The following PIEZO2 variants were observed in gnomAD, a reference collection of about 807,000 sequenced individuals.
The protein encoded by PIEZO2 is piezo-type mechanosensitive ion channel component 2.
A neutral mutation model predicts 337.3 loss-of-function variants in PIEZO2; 172 were observed. The observed-to-expected ratio is 0.51, with a 90% CI of 0.45 to 0.58. The LOEUF is 0.58. Among genes scored for constraint, PIEZO2 ranks in the 20% least tolerant of loss-of-function variants. The pLI is 0.00. For synonymous variants in PIEZO2, 1,251 were observed against 1,228.5 expected (o/e 1.02, Z -0.38); for missense variants, 3,028 against 3,391.3 (o/e 0.89, Z 2.66).
At chr18:10,879,143 C>T (rs1356173798) in intron 4 of PIEZO2, among the ~76,000 whole-genome samples, 1 of 152,184 alleles carries the variant, frequency 6.6e-6, no homozygotes, top group Non-Finnish European at 1.5e-5. Flanking sequence ...GTATACACTA[C>T]AGGGCATTTA....
In PIEZO2 at chr18:11,108,913, T is replaced by A. The variant is rs149380594; in HGVS notation, c.64+39612A>T. Among the ~76,000 whole-genome samples, 8 of 152,334 alleles carry A rather than the reference T, an allele frequency of 5.3e-5. No homozygotes were observed. In the East Asian group the frequency reaches 1.5e-3, roughly 29 times the overall value. On this transcript the variant is annotated intron_variant, in intron 1 of 55. Transcript: ENST00000674853. ...CCAAAGGAAGTGTTAAACAGTCATG[T>A]GGACTTCATCCTGCACAGAAACTCT...
At position 11,016,468 on chromosome 18, in the gene PIEZO2, G is replaced by A. The variant is rs902161777; in HGVS notation, c.161-36808C>T. ...CCCCAGAGAGAAAGTGAACCCCTAG[G>A]AACCCCCTGCAAAGGGTGGGTATGA... On this transcript the variant is annotated intron_variant, in intron 2 of 55. Coordinates refer to ENST00000674853, the MANE Select transcript of PIEZO2 (RefSeq NM_001378183.1). The surrounding 1 kb of genome is among the most constrained non-coding windows in gnomAD (Gnocchi z 5.6). Among the ~76,000 whole-genome samples, 7 of 152,184 alleles carry A rather than the reference G, an allele frequency of 4.6e-5. No individual in the cohort carries two copies. The highest frequency in any genetic ancestry group is 1.7e-4 in the African/African-American group (7 of 41,454).
At chr18:10,989,379 A>T (rs2035006653) in intron 2 of PIEZO2, among the ~76,000 whole-genome samples, 1 of 152,268 alleles carries the variant, frequency 6.6e-6, no homozygotes, top group Non-Finnish European at 1.5e-5. Flanking sequence ...ATAAAGACCT[A>T]AGTCTGAAAG....
At chr18:11,062,709 G>A (rs2038011748) in intron 2 of PIEZO2, among the ~76,000 whole-genome samples, 1 of 152,160 alleles carries the variant, frequency 6.6e-6, no homozygotes, top group African/African-American at 2.4e-5. Flanking sequence ...ACCACAATGA[G>A]ATACCATCTT....
chr18:11,063,962 G>C (rs554775672), intron 2 of PIEZO2, among the ~76,000 whole-genome samples: 7 of 151,892 alleles, frequency 4.6e-5, no homozygotes, highest in Middle Eastern at 3.4e-3. Context: ...GACTTCCCTG[G>C]CCACATTGGA....
chr18:11,081,362 G>T (rs1479562100), intron 1 of PIEZO2, among the ~76,000 whole-genome samples: 1 of 152,068 alleles, frequency 6.6e-6, no homozygotes, highest in South Asian at 2.1e-4. Flanking sequence ...GAAACTTATC[G>T]CATGAGTCCC....
intron 2 of PIEZO2, among the ~76,000 whole-genome samples, chr18:10,984,881 T>G (rs553251164): frequency 6.6e-6 from 1 of 152,150 alleles, no homozygotes; most frequent in African/African-American, 2.4e-5. Context: ...TTCAAAAGGC[T>G]ATCAGTAGAT....
At chr18:11,046,111 C>T (rs540905567) in intron 2 of PIEZO2, among the ~76,000 whole-genome samples, 1 of 152,250 alleles carries the variant, frequency 6.6e-6, no homozygotes, top group South Asian at 2.1e-4. Context: ...ACTGGCTGGT[C>T]CCCCATTTCC....
intron 4 of PIEZO2, among the ~76,000 whole-genome samples, chr18:10,882,829 A>G (rs1284474758): frequency 1.2e-5 from 1 of 83,362 alleles, no homozygotes; most frequent in African/African-American, 3.6e-5. Context: ...TATGTACCAC[A>G]TTTTCTTTTT....
At chr18:10,715,267 A>C (rs2035968356) in intron 38 of PIEZO2, among the ~76,000 whole-genome samples, 1 of 152,196 alleles carries the variant, frequency 6.6e-6, no homozygotes, top group Non-Finnish European at 1.5e-5. Flanking sequence ...TTTTAGATCA[A>C]ACTTTCCAGA....
Position 10,671,181 on chromosome 18 carries a change from G to T in PIEZO2, c.*346C>A. Reference sequence around the variant, plus strand: ...CCAGGAAGTGCACGGGCCCCACAGAGGAAAACACAGGCATCTTTCTTTCTG... The same window carrying T: ...CCAGGAAGTGCACGGGCCCCACAGATGAAAACACAGGCATCTTTCTTTCTG... On this transcript the variant is annotated 3_prime_UTR_variant, in exon 56 of 56. Coordinates refer to ENST00000674853, the MANE Select transcript of PIEZO2 (RefSeq NM_001378183.1). 4.6e-6 allele frequency: 1 copy of T among 216,004 alleles called. No homozygotes were observed. The highest frequency in any genetic ancestry group is 7.4e-5 in the South Asian group (1 of 13,604). 13.4% of individuals were successfully genotyped at this position (216,004 alleles called of 1,614,324 possible).
rs1287680457 is a variant in PIEZO2 at position 10,945,124 on chromosome 18, GA to G, written c.287-33897del. 5.3e-5 allele frequency among the ~76,000 whole-genome samples: 8 copies of G among 152,308 alleles called. No individual in the cohort carries two copies. In the South Asian group the frequency reaches 1.0e-3, roughly 20 times the overall value. ...AGATCTGTGAATTCAGCCAAGTAGTGACCAGTACATGCATGTGAGGAAACTA... is the reference window on the plus strand; with the variant it reads ...AGATCTGTGAATTCAGCCAAGTAGTGCCAGTACATGCATGTGAGGAAACTA... On this transcript the variant is annotated intron_variant, in intron 3 of 55. Transcript: ENST00000674853. This position sits in a 1 kb window ranked among gnomAD's most constrained non-coding sequence, Gnocchi z 4.0.
At position 11,130,619 on chromosome 18, in the gene PIEZO2, G is replaced by T. The variant is rs116140622; in HGVS notation, c.64+17906C>A. On this transcript the variant is annotated intron_variant, in intron 1 of 55. Coordinates refer to ENST00000674853, the MANE Select transcript of PIEZO2 (RefSeq NM_001378183.1). ...GGACTTATTGGAGAGACATTTGTGTGGCAGCAGAGGGAAGTAAATCCTACT... is the reference window on the plus strand; with the variant it reads ...GGACTTATTGGAGAGACATTTGTGTTGCAGCAGAGGGAAGTAAATCCTACT... 8.9e-3 allele frequency among the ~76,000 whole-genome samples: 1,359 copies of T among 152,308 alleles called. 25 individuals carry two copies. The highest frequency in any genetic ancestry group is 0.03 in the African/African-American group (1,257 of 41,558).
At position 11,050,591 on chromosome 18, in the gene PIEZO2, A is replaced by C. The variant is rs577499704; in HGVS notation, c.160+15536T>G. ...TACAGGATTAGCACAACTTCCTTTT[A>C]AAGTAGAACCCTTGTCCAGAGCAGA... On this transcript the variant is annotated intron_variant, in intron 2 of 55. Transcript: ENST00000674853. Among the ~76,000 whole-genome samples the C allele has an allele frequency of 6.6e-5, 10 of 152,136 alleles. No homozygotes were observed. The South Asian group carries it at 1.9e-3, about 28-fold the overall frequency.
chr18:10,718,829 T>C (rs2036122359), intron 36 of PIEZO2, among the ~76,000 whole-genome samples: 1 of 151,626 alleles, frequency 6.6e-6, no homozygotes, highest in Admixed American at 6.6e-5. Context: ...CTGGGCAACA[T>C]ATAGAAAATC....
In PIEZO2 at chr18:10,843,870, G is replaced by A. The variant is rs567459729; in HGVS notation, c.917+11483C>T. 2.6e-3 allele frequency among the ~76,000 whole-genome samples: 399 copies of A among 152,338 alleles called. 1 individual carries two copies. The highest frequency in any genetic ancestry group is 4.7e-3 in the Non-Finnish European group (323 of 68,036). ...GCTACCTCATGGTGTTATGGCTACAGATGTCCCTCATGCAGGCTCAAATTG... is the reference window on the plus strand; with the variant it reads ...GCTACCTCATGGTGTTATGGCTACAAATGTCCCTCATGCAGGCTCAAATTG... On this transcript the variant is annotated intron_variant, in intron 7 of 55. Coordinates refer to ENST00000674853, the MANE Select transcript of PIEZO2 (RefSeq NM_001378183.1).
chr18:10,944,494 TATATATATATATCTTAGTAACAG>T (rs1309068240), intron 3 of PIEZO2, among the ~76,000 whole-genome samples: 49 of 26,022 alleles, frequency 1.9e-3, no homozygotes, highest in Non-Finnish European at 3.5e-3. Flanking sequence ...GTAACATATA[TATATATATATATCTTAGTAACAG>T]ATATATATAT....
chr18:10,697,975 G>A (rs1381102638), intron 44 of PIEZO2, 95 bp from the exon 45 acceptor site: 6 of 1,466,162 alleles, frequency 4.1e-6, no homozygotes, highest in Admixed American at 2.2e-5. Context: ...ACATGGTGGA[G>A]GGATAGCTCA....
intron 1 of PIEZO2, among the ~76,000 whole-genome samples, chr18:11,108,213 G>T (rs1214776719): frequency 6.6e-6 from 1 of 152,112 alleles, no homozygotes; most frequent in Non-Finnish European, 1.5e-5. Flanking sequence ...AAAACGCTTG[G>T]TATTTTCTTC....
Sources: allele counts gnomAD v4.1 joint callset (sites outside exome capture counted in the v4.1 genomes callset), GRCh38; gene constraint gnomAD v4.1.1; non-coding constraint Gnocchi (gnomAD v3.1); transcripts MANE v1.5; gene names NCBI Gene and HGNC (gene_info 2026-07-23, HGNC 2026-07-21).